The following ZMYM2 variants were observed in gnomAD, a reference collection of about 807,000 sequenced individuals.
The protein encoded by ZMYM2 is zinc finger MYM-type protein 2.
A neutral mutation model predicts 162.8 loss-of-function variants in ZMYM2; 56 were observed. The ratio of observed to expected loss-of-function variants is 0.34; its 90% confidence interval spans 0.28 to 0.43. The LOEUF (loss-of-function observed/expected upper bound fraction) is 0.43. ZMYM2 is among the 20% of genes least tolerant of loss of function. The probability of loss-of-function intolerance (pLI) is 1.00; values close to 1 mark genes in which losing one functional copy is unlikely to be tolerated. For synonymous variants in ZMYM2, 510 were observed against 541.6 expected, an observed-to-expected ratio of 0.94 and a Z score of 0.81; for missense variants, 1,275 against 1,621.8, an observed-to-expected ratio of 0.79 and a Z score of 3.67.
Position 20,031,311 on chromosome 13 carries a change from T to C in ZMYM2, c.1852-8T>C. The C allele has an allele frequency of 6.3e-7, 1 of 1,588,746 alleles. No homozygotes were observed. The highest frequency in any genetic ancestry group is 1.4e-5 in the African/African-American group (1 of 73,740). On this transcript the variant is annotated splice_region_variant and splice_polypyrimidine_tract_variant and intron_variant, in intron 9 of 24. Transcript: ENST00000610343. ...GTCAGGCTTAGTATCTTTTGTTCTT[T>C]GTTTTAGGCTCTAAGTATGCAGTCA...
intron 21 of ZMYM2, among the ~76,000 whole-genome samples, chr13:20,069,744 A>T (rs1163504857): frequency 1.3e-5 from 2 of 151,880 alleles, no homozygotes; most frequent in East Asian, 3.8e-4. Flanking sequence ...ATTTTTGCAG[A>T]TGTTCATAAG....
At chr13:19,935,423 C>G in the ZMYM2 span, among the ~76,000 whole-genome samples, 1 of 152,358 alleles carries the variant, frequency 6.6e-6, no homozygotes, top group Admixed American at 6.5e-5. Flanking sequence ...AGGCGTGAGC[C>G]ACCACGCACA....
At chr13:19,926,406 C>T in the ZMYM2 span, among the ~76,000 whole-genome samples, 4 of 149,534 alleles carry the variant, frequency 2.7e-5, no homozygotes, top group African/African-American at 4.9e-5. Flanking sequence ...TTCTGTCGCC[C>T]AGGCTGGAGT....
In ZMYM2 at chr13:20,080,557, A is replaced by G. The variant is rs968383153; in HGVS notation, c.3454-1459A>G. On this transcript the variant is annotated intron_variant, in intron 21 of 24. Transcript: ENST00000610343. ...GGCTAGAGTGCAGTGGTGTGATCTC[A>G]TGGCTCACTGCAGCTTTGACCTCCC... Among the ~76,000 whole-genome samples, 5 of 150,936 alleles carry G rather than the reference A, an allele frequency of 3.3e-5. No homozygotes were observed. The East Asian group carries it at 7.8e-4, about 24-fold the overall frequency.
chr13:20,011,753 T>G (rs1419078166), intron 6 of ZMYM2, among the ~76,000 whole-genome samples: 1 of 151,496 alleles, frequency 6.6e-6, no homozygotes, highest in African/African-American at 2.4e-5. Flanking sequence ...TTTTTGTTTT[T>G]TTTTTTTCTT....
At position 19,996,728 on chromosome 13, in the gene ZMYM2, C is replaced by CA. The variant is rs200528657; in HGVS notation, c.847+2817dup. 3.1e-3 allele frequency among the ~76,000 whole-genome samples: 463 copies of CA among 151,196 alleles called. 4 individuals are homozygous for CA. Among genetic ancestry groups the CA allele is most frequent in the African/African-American group, 0.011 (435 of 41,214 alleles). On this transcript the variant is annotated intron_variant, in intron 3 of 24. Coordinates refer to ENST00000610343, the MANE Select transcript of ZMYM2 (RefSeq NM_197968.4). Reference sequence around the variant, plus strand: ...TGAGACTCTGTCTCAAAAAACAAAACAAAAAAAACTAGCCAGGCATGGTGG... The same window carrying CA: ...TGAGACTCTGTCTCAAAAAACAAAACAAAAAAAAACTAGCCAGGCATGGTGG...
At chr13:19,989,099 GTT>G (rs113434815) in intron 2 of ZMYM2, among the ~76,000 whole-genome samples, 1 of 152,020 alleles carries the variant, frequency 6.6e-6, no homozygotes, top group South Asian at 2.1e-4. Context: ...TCTCTCAAGA[GTT>G]TTTTTCCCCC....
chr13:20,070,141 T>G (rs1956971510), intron 21 of ZMYM2: 1 of 154,682 alleles, frequency 6.5e-6, no homozygotes, highest in African/African-American at 2.4e-5. Flanking sequence ...CACATCTGGT[T>G]TTTCTTTAGA....
the ZMYM2 span, among the ~76,000 whole-genome samples, chr13:19,943,969 G>A: frequency 6.6e-6 from 1 of 152,174 alleles, no homozygotes; most frequent in Non-Finnish European, 1.5e-5. Context: ...GGAATGAGAA[G>A]GGAGATGGGG....
At chr13:19,947,599 C>G in the ZMYM2 span, among the ~76,000 whole-genome samples, 3 of 151,722 alleles carry the variant, frequency 2.0e-5, no homozygotes, top group African/African-American at 4.8e-5. Flanking sequence ...GCTGGGATTA[C>G]AGGCACACGC....
Position 20,079,147 on chromosome 13 carries a change from C to T in ZMYM2, c.3454-2869C>T, listed in dbSNP as rs376318451. Among the ~76,000 whole-genome samples the T allele has an allele frequency of 2.1e-4, 32 of 151,350 alleles. 2 individuals carry two copies. The highest frequency in any genetic ancestry group is 9.9e-4 in the Admixed American group (15 of 15,202). ...CATCCTGGCCAACATAGTGAAACCC[C>T]GTCTCTACTAAAAATACAAAAATTA... On this transcript the variant is annotated intron_variant, in intron 21 of 24. Transcript: ENST00000610343.
upstream of ZMYM2, among the ~76,000 whole-genome samples, chr13:19,956,432 G>C (rs1954521672): frequency 2.0e-5 from 3 of 152,176 alleles, no homozygotes; most frequent in Admixed American, 2.0e-4. Context: ...GAATAATGCT[G>C]TTATGAACAT....
chr13:20,064,324 C>G, intron 18 of ZMYM2, 127 bp from the exon 19 acceptor site: 2 of 622,910 alleles, frequency 3.2e-6, no homozygotes, highest in South Asian at 3.8e-5. Flanking sequence ...CATTTACTCC[C>G]CAGCCCAGCC....
chr13:20,046,977 A>G (rs1388460956), intron 12 of ZMYM2, among the ~76,000 whole-genome samples: 1 of 152,158 alleles, frequency 6.6e-6, no homozygotes, highest in Non-Finnish European at 1.5e-5. Context: ...CTGTACCTTA[A>G]ATACATTATA....
chr13:19,927,190 T>TA, the ZMYM2 span, among the ~76,000 whole-genome samples: 2,658 of 152,290 alleles, frequency 0.017, 39 homozygotes, highest in Non-Finnish European at 0.027. Flanking sequence ...TATTTGTTAT[T>TA]AAAAAAATTG....
the ZMYM2 span, among the ~76,000 whole-genome samples, chr13:19,912,132 G>T: frequency 6.6e-6 from 1 of 152,138 alleles, no homozygotes; most frequent in African/African-American, 2.4e-5. Context: ...TGCAGCTATT[G>T]AGTTGGCAAA....
At chr13:19,876,887 T>C in the ZMYM2 span, among the ~76,000 whole-genome samples, 1 of 152,182 alleles carries the variant, frequency 6.6e-6, no homozygotes, top group Non-Finnish European at 1.5e-5. Context: ...TTAGTCTATT[T>C]TGTGTTGCTA....
the ZMYM2 span, among the ~76,000 whole-genome samples, chr13:19,904,201 T>A: frequency 6.6e-6 from 1 of 151,816 alleles, no homozygotes; most frequent in South Asian, 2.1e-4. Context: ...ATTTTTTTTT[T>A]AATCATCTTT....
the ZMYM2 span, among the ~76,000 whole-genome samples, chr13:19,871,895 A>G: frequency 0.012 from 1,842 of 152,308 alleles, 39 homozygotes; most frequent in African/African-American, 0.041. Flanking sequence ...AAAAATCGGA[A>G]AGTAATATTT....
Sources: gnomAD v4.1 joint callset for allele counts (sites outside exome capture counted in the v4.1 genomes callset) on GRCh38, gnomAD v4.1.1 for gene constraint, MANE v1.5 for transcripts, NCBI Gene and HGNC (gene_info 2026-07-23, HGNC 2026-07-21) for gene names.